The following KIR2DL4 variants were observed in gnomAD, a reference collection of about 807,000 sequenced individuals.
KIR2DL4 encodes killer cell immunoglobulin like receptor, two Ig domains and long cytoplasmic tail 4, also known as killer cell immunoglobulin-like receptor 2DL4.
KIR2DL4 carries 41 observed loss-of-function variants against 31.0 expected under a neutral mutation model. The ratio of observed to expected loss-of-function variants is 1.32; its 90% CI spans 1.03 to 1.72. The LOEUF (loss-of-function observed/expected upper bound fraction) is 1.72, where lower values mean the gene tolerates loss of function less well. Among genes scored for constraint, KIR2DL4 ranks in the 40% most tolerant of loss-of-function variants. The probability of loss-of-function intolerance (pLI) is 0.00; values close to 1 mark genes in which losing one functional copy is unlikely to be tolerated. For missense variants in KIR2DL4, 438 were observed against 353.7 expected (o/e 1.24, Z -1.91); for synonymous variants, 164 against 133.6 (o/e 1.23, Z -1.57).
exon 4 of KIR2DL4, chr19:54,806,167 A>G: frequency 6.2e-7 from 1 of 1,611,840 alleles, no homozygotes; most frequent in Non-Finnish European, 8.5e-7. Context: ...GGAGAGACCT[A>G]CAGATGCTTC....
rs202076064 is a variant in KIR2DL4, at chr19:54,813,964, G to T, written c.*164G>T. On this transcript the variant is annotated 3_prime_UTR_variant, in exon 8 of 8. Transcript: ENST00000359085. Reference sequence around the variant, plus strand: ...AGAGACCCTCAACAGATACCAGCGTGTGTATAGAACTTCCAAATGCTGAGC... The same window carrying T: ...AGAGACCCTCAACAGATACCAGCGTTTGTATAGAACTTCCAAATGCTGAGC... 7.6e-5 allele frequency: 122 copies of T among 1,612,378 alleles called. 5 individuals carry two copies. The East Asian group carries it at 2.1e-3, about 27-fold the overall frequency.
chr19:54,804,933 C>A, exon 3 of KIR2DL4: 1 of 1,612,230 alleles, frequency 6.2e-7, no homozygotes, highest in Non-Finnish European at 8.5e-7. Flanking sequence ...TGTCCCTGAG[C>A]TCTACAACAG....
chr19:54,810,880 T>C (rs957779809), intron 5 of KIR2DL4, among the ~76,000 whole-genome samples: 14 of 151,424 alleles, frequency 9.2e-5, no homozygotes, highest in African/African-American at 3.2e-4. Context: ...CCTGGTGAAA[T>C]GTGGTGCTGA....
Position 54,807,231 on chromosome 19 carries a change from A to G in KIR2DL4, c.655+987A>G, listed in dbSNP as rs1164832877. Among the ~76,000 whole-genome samples the G allele has an allele frequency of 8.6e-5, 13 of 150,558 alleles. 1 individual carries two copies. Among genetic ancestry groups the G allele is most frequent in the Admixed American group, 4.6e-4 (7 of 15,178 alleles). On this transcript the variant is annotated intron_variant, in intron 4 of 7. Transcript: ENST00000359085. ...CTCTTTGTATGGATGAGTTGTCTCC[A>G]TTGTGTGTATGTACTACTTTCTCTC...
exon 8 of KIR2DL4, chr19:54,814,065 C>G: frequency 6.8e-6 from 11 of 1,612,236 alleles, no homozygotes; most frequent in Non-Finnish European, 9.3e-6. Flanking sequence ...ACAGCCCTGT[C>G]TCAAACCCAG....
At chr19:54,812,264 T>G (rs1316149537) in intron 5 of KIR2DL4, among the ~76,000 whole-genome samples, 1 of 151,256 alleles carries the variant, frequency 6.6e-6, no homozygotes, top group African/African-American at 2.4e-5. Flanking sequence ...AACCTTCCTT[T>G]CAGGGTGAGC....
intron 5 of KIR2DL4, among the ~76,000 whole-genome samples, chr19:54,810,921 C>A (rs3865507): frequency 0.042 from 6,273 of 150,798 alleles, 302 homozygotes; most frequent in East Asian, 0.09. Flanking sequence ...AAGATGGACA[C>A]AAGATGTGTT....
intron 4 of KIR2DL4, 56 bp from the exon 5 acceptor site, chr19:54,808,777 T>G: frequency 8.0e-7 from 1 of 1,252,748 alleles, no homozygotes; most frequent in Non-Finnish European, 1.1e-6. Flanking sequence ...AAGATTTCCA[T>G]TGAGTAGAAG....
At chr19:54,813,717 C>A (rs1196393961) in exon 7 of KIR2DL4, 21 of 1,611,754 alleles carry the variant, frequency 1.3e-5, no homozygotes, top group Admixed American at 3.3e-5. Context: ...CAAGAGCCTG[C>A]GGGACACAGA....
Position 54,806,207 on chromosome 19 carries a change from G to A in KIR2DL4, c.618G>A (p.Trp206Ter), listed in dbSNP as rs2060519337. The change falls in exon 4 of 8, where the codon TGG (tryptophan) becomes TGA (stop). Residue 206 changes from tryptophan to a stop codon, truncating the protein, a stop_gained. Coordinates refer to ENST00000359085, the Ensembl canonical transcript of KIR2DL4. LOFTEE classifies it high-confidence loss of function. ...CTTTCCATGGATCTCCCTACGAGTG[G>A]TCAGACCCGAGTGACCCACTGCCTG... 5 of 1,611,060 alleles carry A rather than the reference G, an allele frequency of 3.1e-6. No homozygotes were observed. The highest frequency in any genetic ancestry group is 4.2e-6 in the Non-Finnish European group (5 of 1,179,342).
Position 54,813,606 on chromosome 19 carries a change from TC to T in KIR2DL4, c.811-79del, listed in dbSNP as rs1382388061. 5.0e-6 allele frequency: 7 copies of T among 1,407,836 alleles called. No individual in the cohort carries two copies. The Admixed American group carries it at 1.2e-4, about 24-fold the overall frequency. The allele number at this position is 1,407,836 out of a possible 1,614,324, so 87.2% of individuals were successfully genotyped here. A position where few individuals can be genotyped will look rare whatever the true frequency, so the allele number is the denominator to read the frequency against. On this transcript the variant is annotated intron_variant, in intron 6 of 7. Coordinates refer to ENST00000359085, the Ensembl canonical transcript of KIR2DL4. ...TGAGGGACCTCAGGCACCTATGGCC[TC>T]CCCCTGTGTGTTGGTATCTGTTCAT...
chr19:54,803,636 C>T, exon 1 of KIR2DL4: 1 of 1,612,248 alleles, frequency 6.2e-7, no homozygotes, highest in Admixed American at 1.7e-5. Flanking sequence ...TGCGTCCTGG[C>T]AGCAGAAGCT....
chr19:54,813,887 G>A, exon 8 of KIR2DL4: 1 of 1,612,422 alleles, frequency 6.2e-7, no homozygotes, highest in Non-Finnish European at 8.5e-7. Flanking sequence ...CGCACAGTTG[G>A]ATCACTGCAT....
intron 5 of KIR2DL4, among the ~76,000 whole-genome samples, 169 bp downstream of exon 5, chr19:54,809,052 G>A (rs1447592304): frequency 1.3e-5 from 2 of 151,376 alleles, no homozygotes; most frequent in Admixed American, 6.6e-5. Flanking sequence ...CCAGCACAGG[G>A]CTCAGTGAAA....
chr19:54,803,679 C>T, exon 1 of KIR2DL4: 3 of 1,612,300 alleles, frequency 1.9e-6, no homozygotes, highest in Non-Finnish European at 2.5e-6. Context: ...GGTCATCATC[C>T]TGGCATGTCT....
intron 4 of KIR2DL4, among the ~76,000 whole-genome samples, chr19:54,807,722 G>A (rs1358680735): frequency 1.3e-5 from 2 of 149,254 alleles, no homozygotes; most frequent in African/African-American, 5.0e-5. Flanking sequence ...ACAAGCGTGA[G>A]ACACAGTGCC....
chr19:54,808,676 G>C (rs2147930800), intron 4 of KIR2DL4, among the ~76,000 whole-genome samples, 157 bp from the exon 5 acceptor site: 1 of 150,344 alleles, frequency 6.7e-6, no homozygotes, highest in East Asian at 1.9e-4. Flanking sequence ...CAAGATAGTT[G>C]GTGTCACCTA....
intron 4 of KIR2DL4, 28 bp downstream of exon 4, chr19:54,806,272 T>A: frequency 6.3e-7 from 1 of 1,598,678 alleles, no homozygotes; most frequent in Non-Finnish European, 8.5e-7. Flanking sequence ...CTGTCCCATG[T>A]CCTATGGTCC....
In KIR2DL4 at chr19:54,814,269, A is replaced by C. The variant is rs1791102580; in HGVS notation, c.*469A>C. On this transcript the variant is annotated 3_prime_UTR_variant, in exon 8 of 8. Transcript: ENST00000359085. ...TCTCTATTTCACTTGACCCCTGCCC[A>C]CCTCTCCAACCTAACTGGCTTACTT... is the stretch of plus-strand genomic sequence containing the variant. The C allele has an allele frequency of 5.1e-6, 4 of 779,734 alleles. 1 individual carries two copies. The allele number at this position is 779,734 out of a possible 1,614,324, so 48.3% of individuals were successfully genotyped here. A position where few individuals can be genotyped will look rare whatever the true frequency, so the allele number is the denominator to read the frequency against.
Sources: allele counts gnomAD v4.1 joint callset (sites outside exome capture counted in the v4.1 genomes callset), GRCh38; gene constraint gnomAD v4.1.1; transcripts MANE v1.5; gene names NCBI Gene and HGNC (gene_info 2026-07-23, HGNC 2026-07-21).